ZNF91: variants seen among roughly 807,000 people sequenced by gnomAD.
The protein encoded by ZNF91 is zinc finger protein 91, also known as zinc finger protein 91 (HPF7, HTF10).
ZNF91 carries 7 observed loss-of-function variants against 12.6 expected under a neutral mutation model. The ratio of observed to expected loss-of-function variants is 0.55; its 90% CI spans 0.31 to 1.04. ZNF91 has a LOEUF of 1.04. Ranked by LOEUF, ZNF91 falls within the 50% of genes least tolerant of loss-of-function variation. The pLI is 0.05. For synonymous variants in ZNF91, 453 were observed against 462.6 expected (o/e 0.98, Z 0.27); for missense variants, 1,217 against 1,385.4 (o/e 0.88, Z 1.93).
At chr19:23,322,179 T>TGCCATA (rs1401162481) in intron 1 of ZNF91, among the ~76,000 whole-genome samples, 3 of 152,218 alleles carry the variant, frequency 2.0e-5, no homozygotes, top group Non-Finnish European at 2.9e-5. Flanking sequence ...TTTCCTCTTC[T>TGCCATA]TCCTGAGCCC....
intron 1 of ZNF91, among the ~76,000 whole-genome samples, chr19:23,386,877 G>A (rs538938263): frequency 3.9e-5 from 6 of 152,092 alleles, no homozygotes; most frequent in Admixed American, 6.5e-5. Context: ...GACAACCTAC[G>A]GAATAATAGA....
chr19:23,384,644 C>T, intron 1 of ZNF91: 1 of 662,530 alleles, frequency 1.5e-6, no homozygotes, highest in South Asian at 2.6e-5. Context: ...GAGGCTTTTG[C>T]CATACCATCC....
At chr19:23,355,972 T>C (rs1353806984), downstream of ZNF91, among the ~76,000 whole-genome samples, 4 of 152,156 alleles carry the variant, frequency 2.6e-5, no homozygotes, top group African/African-American at 7.2e-5. Context: ...CCTGCAAGAA[T>C]AGCCATAATC....
In ZNF91 at chr19:23,395,451, A is replaced by C; in HGVS notation, c.-97T>G. The C allele has an allele frequency of 2.8e-6, 4 of 1,453,266 alleles. No individual in the cohort carries two copies. The highest frequency in any genetic ancestry group is 1.2e-5 in the South Asian group (1 of 80,914). The allele number at this position is 1,453,266 out of a possible 1,614,324, so 90.0% of individuals were successfully genotyped here. A position where few individuals can be genotyped will look rare whatever the true frequency, so the allele number is the denominator to read the frequency against. On this transcript the variant is annotated 5_prime_UTR_variant, in exon 1 of 4. Coordinates refer to ENST00000300619, the MANE Select transcript of ZNF91 (RefSeq NM_003430.4). ...AGAGCAGTGAAGTCGAGACCTGGAA[A>C]CTCCGGCGGCAGCGAGAGACAAAGG...
At position 23,360,597 on chromosome 19, in the gene ZNF91, T is replaced by G; in HGVS notation, c.2382A>C (p.Gly794=). 1.9e-6 allele frequency: 3 copies of G among 1,614,024 alleles called. No homozygotes were observed. The highest frequency in any genetic ancestry group is 2.5e-6 in the Non-Finnish European group (3 of 1,179,976). Residue 794 remains glycine, a synonymous_variant, in exon 4 of 4, where the codon GGA becomes GGC. Coordinates refer to ENST00000300619, the MANE Select transcript of ZNF91 (RefSeq NM_003430.4). ...TLTRHKRIHT[G]EKPYKCEECG... ...ATTCTTCACATTTGTAGGGCTTCTC[T>G]CCAGTGTGTATCCTCTTATGTCTAG...
chr19:23,305,033 T>C (rs1230354394), exon 4 of ZNF91: 1 of 152,180 alleles, frequency 6.6e-6, no homozygotes, highest in Non-Finnish European at 1.5e-5. Flanking sequence ...TTTTTGAACA[T>C]GTGACATTGG....
At chr19:23,342,287 C>A (rs762963522) in intron 3 of ZNF91, 42 of 426,198 alleles carry the variant, frequency 9.9e-5, no homozygotes, top group Non-Finnish European at 1.7e-4. Flanking sequence ...GAAAAATTAG[C>A]ATGACTTTCT....
intron 3 of ZNF91, among the ~76,000 whole-genome samples, chr19:23,371,679 G>A (rs541417648): frequency 2.0e-5 from 3 of 152,136 alleles, no homozygotes; most frequent in South Asian, 2.1e-4. Context: ...ATTAATGTAC[G>A]TTAACAAATA....
chr19:23,329,277 G>A (rs1028168234), intron 1 of ZNF91, among the ~76,000 whole-genome samples: 2 of 152,108 alleles, frequency 1.3e-5, no homozygotes, highest in Admixed American at 1.3e-4. Context: ...TGTTTGACTT[G>A]GAAGCATAGG....
At chr19:23,369,584 A>C (rs1225097891) in intron 3 of ZNF91, among the ~76,000 whole-genome samples, 1 of 152,190 alleles carries the variant, frequency 6.6e-6, no homozygotes, top group African/African-American at 2.4e-5. Flanking sequence ...TGTGGGGAAA[A>C]GATAGAGAAA....
chr19:23,389,150 T>C (rs570190381), intron 1 of ZNF91, among the ~76,000 whole-genome samples: 7 of 151,194 alleles, frequency 4.6e-5, no homozygotes, highest in Non-Finnish European at 7.4e-5. Context: ...AAACCAAAAA[T>C]AGAAGTTTAA....
intron 3 of ZNF91, among the ~76,000 whole-genome samples, chr19:23,348,766 G>A (rs1446458456): frequency 6.6e-6 from 1 of 152,150 alleles, no homozygotes; most frequent in Non-Finnish European, 1.5e-5. Context: ...CAGTCTGACT[G>A]CAGAATACAG....
chr19:23,346,930 TC>T (rs1478593474), intron 3 of ZNF91, among the ~76,000 whole-genome samples: 1 of 152,168 alleles, frequency 6.6e-6, no homozygotes, highest in Admixed American at 6.5e-5. Flanking sequence ...GGTAACCAGC[TC>T]CCATCTAAAC....
At chr19:23,342,193 T>C (rs560201413) in intron 3 of ZNF91, 3 of 558,914 alleles carry the variant, frequency 5.4e-6, no homozygotes, top group South Asian at 4.7e-5. Flanking sequence ...TACTGTCTCA[T>C]GTCTCTTCAC....
intron 1 of ZNF91, among the ~76,000 whole-genome samples, chr19:23,393,797 C>T (rs574714971): frequency 2.6e-5 from 4 of 152,194 alleles, no homozygotes; most frequent in African/African-American, 9.6e-5. Flanking sequence ...GCCAGGAGTT[C>T]GAGACCAGCC....
rs368600709 is a variant in ZNF91 at position 23,322,720 on chromosome 19, TCTC to T, written n.117-13626_117-13624del. Among the ~76,000 whole-genome samples the T allele has an allele frequency of 3.0e-3, 426 of 140,598 alleles. 5 individuals carry two copies. The highest frequency in any genetic ancestry group is 9.0e-3 in the African/African-American group (337 of 37,262). 92.2% of individuals were successfully genotyped at this position (140,598 alleles called of 152,430 possible). On this transcript the variant is annotated intron_variant and non_coding_transcript_variant, in intron 1 of 1. Transcript: ENST00000596528. ...CTTCTCCTCCTCACTTTTCTCCTCC[TCTC>T]CTCATCTCTTCTTCCTCCCCATTCA...
intron 1 of ZNF91, chr19:23,384,497 C>G: frequency 1.1e-6 from 1 of 884,266 alleles, no homozygotes; most frequent in Non-Finnish European, 1.5e-6. Context: ...GCCCTTTCTT[C>G]CGCTTGCAAA....
rs201417331 is a variant in ZNF91 at position 23,359,835 on chromosome 19, T to C, written c.3144A>G (p.Lys1048=). The change falls in exon 4 of 4, where the codon AAA becomes AAG. Residue 1048 remains lysine, a synonymous_variant. Transcript: ENST00000300619. ...TTHKIIHTGE[K]PYKCEECGKA... Reference sequence around the variant, plus strand: ...TGCCACATTCTTCACACTTGTAAGGTTTCTCTCCAGTATGAATTATCTTAT... The same window carrying C: ...TGCCACATTCTTCACACTTGTAAGGCTTCTCTCCAGTATGAATTATCTTAT... The C allele has an allele frequency of 7.6e-5, 123 of 1,614,006 alleles. No homozygotes were observed. The African/African-American group carries it at 1.5e-3, about 20-fold the overall frequency.
At chr19:23,375,661 G>A (rs187591448) in intron 1 of ZNF91, among the ~76,000 whole-genome samples, 1 of 151,502 alleles carries the variant, frequency 6.6e-6, no homozygotes, top group Non-Finnish European at 1.5e-5. Flanking sequence ...TTTCTGGCCT[G>A]TAAACAAAGA....
Sources: gnomAD v4.1 joint callset for allele counts (sites outside exome capture counted in the v4.1 genomes callset) on GRCh38, gnomAD v4.1.1 for gene constraint, MANE v1.5 for transcripts, NCBI Gene and HGNC (gene_info 2026-07-23, HGNC 2026-07-21) for gene names.